FES: variants seen among roughly 807,000 people sequenced by gnomAD.
The protein encoded by FES is tyrosine-protein kinase Fes/Fps.
Under a neutral mutation model 109.6 loss-of-function variants are expected in FES, and 83 were observed. The observed-to-expected ratio is 0.76, with a 90% CI of 0.63 to 0.91. The LOEUF (loss-of-function observed/expected upper bound fraction) is 0.91, where lower values mean the gene tolerates loss of function less well. Ranked by LOEUF, FES falls within the 40% of genes least tolerant of loss-of-function variation. The pLI is 0.00. For synonymous variants in FES, 458 were observed against 442.1 expected, an observed-to-expected ratio of 1.04 and a Z score of -0.45; for missense variants, 943 against 1,070.9, an observed-to-expected ratio of 0.88 and a Z score of 1.67.
rs1329398075 is a variant in FES at position 90,892,699 on chromosome 15, C to T, written c.1708-8C>T. On this transcript the variant is annotated splice_polypyrimidine_tract_variant and splice_region_variant and intron_variant, in intron 13 of 18. Transcript: ENST00000328850. Reference sequence around the variant, plus strand: ...GAAGGCCGTGGTAGGAGCCCAAGACCGTTTCAGGGGAACTTTGGCGAAGTG... The same window carrying T: ...GAAGGCCGTGGTAGGAGCCCAAGACTGTTTCAGGGGAACTTTGGCGAAGTG... 10 of 1,599,500 alleles carry T rather than the reference C, an allele frequency of 6.3e-6. No homozygotes were observed. Among genetic ancestry groups the T allele is most frequent in the Non-Finnish European group, 6.8e-6 (8 of 1,172,554 alleles).
rs775767862 is a variant in FES at position 90,889,336 on chromosome 15, T to C, written c.699T>C (p.Ile233=). 4 of 1,613,860 alleles carry C rather than the reference T, an allele frequency of 2.5e-6. No homozygotes were observed. The highest frequency in any genetic ancestry group is 1.7e-6 in the Non-Finnish European group (2 of 1,179,960). The change falls in exon 6 of 19, where the codon ATT becomes ATC. Residue 233 remains isoleucine (I), a synonymous_variant. Coordinates refer to ENST00000328850, the MANE Select transcript of FES (RefSeq NM_002005.4). The surrounding 1 kb of genome is among the most constrained non-coding windows in gnomAD (Gnocchi z 6.1). The part of the protein sequence containing the change: ...LKEILQEYLE[I]SSLVQDEVVA... ...AGATCCTGCAGGAATACCTGGAGATTAGCAGCCTGGTGCAGGATGAGGTGG... is the reference window on the plus strand; with the variant it reads ...AGATCCTGCAGGAATACCTGGAGATCAGCAGCCTGGTGCAGGATGAGGTGG...
chr15:90,890,632 TG>T (rs2033123863), intron 10 of FES, 148 bp downstream of exon 10: 3 of 731,366 alleles, frequency 4.1e-6, no homozygotes, highest in African/African-American at 1.8e-5. Flanking sequence ...CCCCAGACCC[TG>T]CCCCTGTGAC....
rs746596825 is a variant in FES at position 90,895,560 on chromosome 15, G to A, written c.*2G>A. 3 of 1,562,840 alleles carry A rather than the reference G, an allele frequency of 1.9e-6. No individual in the cohort carries two copies. Among genetic ancestry groups the A allele is most frequent in the Admixed American group, 1.9e-5 (1 of 52,150 alleles). ...AGCATCCGAAAGCGGCATCGGTGAG[G>A]CTGGGACCCCCTTCTCAAGCTGGTG... On this transcript the variant is annotated 3_prime_UTR_variant, in exon 19 of 19. Transcript: ENST00000328850.
chr15:90,889,588 C>A lies in FES; in HGVS notation c.878C>A (p.Pro293His), dbSNP rs188344412. Residue 293 changes from proline (P) to histidine (H), a missense_variant, in exon 7 of 19, where the codon CCT becomes CAT. By Grantham distance (77) the Pro-to-His change is moderately conservative. Transcript: ENST00000328850. The surrounding 1 kb of genome is among the most constrained non-coding windows in gnomAD (Gnocchi z 6.1). Reference sequence around the variant, plus strand: ...CTTGAGGAGGGTGAACCGCTGGAGCCTGGGGAGCTCCAGCTGAACGAGCTG... The same window carrying A: ...CTTGAGGAGGGTGAACCGCTGGAGCATGGGGAGCTCCAGCTGAACGAGCTG... The part of the protein sequence containing the change: ...SLLEEGEPLE[P>H]GELQLNELTV... 4 of 1,613,668 alleles carry A rather than the reference C, an allele frequency of 2.5e-6. No homozygotes were observed. In the Admixed American group the frequency reaches 6.7e-5, roughly 27 times the overall value.
In FES at chr15:90,889,337, A is replaced by C; in HGVS notation, c.700A>C (p.Ser234Arg). 6.2e-7 allele frequency: 1 copy of C among 1,613,944 alleles called. No homozygotes were observed. Among genetic ancestry groups the C allele is most frequent in the Admixed American group, 1.7e-5 (1 of 60,010 alleles). The change falls in exon 6 of 19, where the codon AGC becomes CGC. Residue 234 changes from serine to arginine, a missense_variant. Ser to Arg is a moderately radical substitution (Grantham distance 110). Transcript: ENST00000328850. This position sits in a 1 kb window ranked among gnomAD's most constrained non-coding sequence, Gnocchi z 6.1. Reference protein sequence around the residue: ...KEILQEYLEISSLVQDEVVAI... With the variant: ...KEILQEYLEIRSLVQDEVVAI... Reference sequence around the variant, plus strand: ...GATCCTGCAGGAATACCTGGAGATTAGCAGCCTGGTGCAGGATGAGGTGGT... The same window carrying C: ...GATCCTGCAGGAATACCTGGAGATTCGCAGCCTGGTGCAGGATGAGGTGGT...
rs1366907500 is a variant in FES at position 90,885,511 on chromosome 15, C to G, written c.313C>G (p.Leu105Val). Residue 105 changes from leucine (L) to valine (V), a missense_variant, in exon 3 of 19, where the codon CTC becomes GTC. Physicochemically the swap from Leu to Val is conservative, Grantham distance 32. Transcript: ENST00000328850. ...NSGPLSKLSL[L>V]IRERQQLRKT... ...AGGGCCCCTGAGCAAGCTGAGCCTG[C>G]TCATCCGGGAACGGCAGCAGCTTCG... 2.5e-6 allele frequency: 4 copies of G among 1,613,326 alleles called. No homozygotes were observed. Among genetic ancestry groups the G allele is most frequent in the Admixed American group, 3.3e-5 (2 of 60,002 alleles).
chr15:90,889,969 G>A lies in FES; in HGVS notation c.1049+7G>A. 1 of 1,612,666 alleles carries A rather than the reference G, an allele frequency of 6.2e-7. No homozygotes were observed. The highest frequency in any genetic ancestry group is 8.5e-7 in the Non-Finnish European group (1 of 1,179,826). On this transcript the variant is annotated splice_region_variant and intron_variant, in intron 8 of 18. Coordinates refer to ENST00000328850, the MANE Select transcript of FES (RefSeq NM_002005.4). This position sits in a 1 kb window ranked among gnomAD's most constrained non-coding sequence, Gnocchi z 6.1. The stretch of plus-strand genomic sequence containing the variant: ...ACACCCACCCCCGGGAGCGGTGAGT[G>A]GGCCCCTGCCTGCAGCAGCCTCCTG...
intron 12 of FES, 109 bp from the exon 13 acceptor site, chr15:90,891,949 C>A: frequency 1.6e-6 from 2 of 1,250,402 alleles, no homozygotes; most frequent in South Asian, 1.4e-5. Flanking sequence ...CACGTGGTCC[C>A]ACCCCTGGTC....
chr15:90,890,184 A>G lies in FES; in HGVS notation c.1142A>G (p.Gln381Arg). 6.2e-7 allele frequency: 1 copy of G among 1,602,016 alleles called. No homozygotes were observed. Among genetic ancestry groups the G allele is most frequent in the East Asian group, 2.2e-5 (1 of 44,748 alleles). The change falls in exon 9 of 19, where the codon CAG becomes CGG. Residue 381 changes from glutamine to arginine, a missense_variant. Physicochemically the swap from Gln to Arg is conservative, Grantham distance 43 (BLOSUM62 1). Coordinates refer to ENST00000328850, the MANE Select transcript of FES (RefSeq NM_002005.4). Reference protein sequence around the residue: ...LCSQAKLQAQQELLQTKLEHL... With the variant: ...LCSQAKLQAQRELLQTKLEHL... The stretch of plus-strand genomic sequence containing the variant: ...AGCCAGGCCAAGCTGCAGGCCCAGC[A>G]GGAGTTGCTGCAGACCAAGCTGGAG...
intron 15 of FES, 34 bp from the exon 16 acceptor site, chr15:90,893,257 C>T: frequency 1.2e-6 from 2 of 1,612,392 alleles, no homozygotes; most frequent in Non-Finnish European, 1.7e-6. Flanking sequence ...AGCCTTACCT[C>T]AGGAGGCTCA....
At position 90,885,423 on chromosome 15, in the gene FES, GA is replaced by G; in HGVS notation, c.226del (p.Ile76SerfsTer8). Reference sequence around the variant, plus strand: ...TCTGTGCTGTATAGTCCTGGGCTGAGATCACCAGCCAAACTGAGGGCCTGAG... The same window carrying G: ...TCTGTGCTGTATAGTCCTGGGCTGAGTCACCAGCCAAACTGAGGGCCTGAG... ...DSPISQSWAE[I>X]TSQTEGLSRL... On this transcript the variant is annotated frameshift_variant, in exon 3 of 19. Coordinates refer to ENST00000328850, the MANE Select transcript of FES (RefSeq NM_002005.4). LOFTEE classifies it high-confidence loss of function. 1 of 1,612,714 alleles carries G rather than the reference GA, an allele frequency of 6.2e-7. No homozygotes were observed.
At chr15:90,891,713 G>T in intron 12 of FES, 37 bp downstream of exon 12, 1 of 1,611,908 alleles carries the variant, frequency 6.2e-7, no homozygotes, top group Non-Finnish European at 8.5e-7. Flanking sequence ...GCCACCTGTG[G>T]CAGGGCTTGG....
In FES at chr15:90,892,686, A is replaced by G. The variant is rs753862432; in HGVS notation, c.1708-21A>G. On this transcript the variant is annotated intron_variant, in intron 13 of 18. Transcript: ENST00000328850. ...ACTGCGGGACTGGGAAGGCCGTGGT[A>G]GGAGCCCAAGACCGTTTCAGGGGAA... 10 of 1,582,118 alleles carry G rather than the reference A, an allele frequency of 6.3e-6. No homozygotes were observed. In the Admixed American group the frequency reaches 1.8e-4, roughly 28 times the overall value.
chr15:90,892,481 T>A, intron 13 of FES: 1 of 580,468 alleles, frequency 1.7e-6, no homozygotes, highest in Non-Finnish European at 3.1e-6. Context: ...ATTTTTGGAT[T>A]TCCATGTCAC....
chr15:90,893,870 G>T (rs559925613), intron 17 of FES, 59 bp downstream of exon 17: 108 of 1,606,738 alleles, frequency 6.7e-5, no homozygotes, highest in Non-Finnish European at 8.9e-5. Context: ...GGGTCCTGCC[G>T]GCTGCCTCGC....
Position 90,890,007 on chromosome 15 carries a change from T to G in FES, c.1049+45T>G, listed in dbSNP as rs377342846. ...CAGCAGCCTCCTGGGCCTCCCTCCC[T>G]CCTACCTACCCTAACTGCTGCTGGC... On this transcript the variant is annotated intron_variant, in intron 8 of 18. Coordinates refer to ENST00000328850, the MANE Select transcript of FES (RefSeq NM_002005.4). 4.4e-6 allele frequency: 7 copies of G among 1,599,834 alleles called. No homozygotes were observed. The African/African-American group carries it at 6.7e-5, about 15-fold the overall frequency.
rs541062672 is a variant in FES, at chr15:90,888,259, CCA to C, written c.668+893_668+894del. 2.0e-5 allele frequency among the ~76,000 whole-genome samples: 3 copies of C among 152,296 alleles called. No homozygotes were observed. In the South Asian group the frequency reaches 6.2e-4, roughly 32 times the overall value. On this transcript the variant is annotated intron_variant, in intron 5 of 18. Transcript: ENST00000328850. ...TAGCTGGAACTACGGGCATGCGCCA[CCA>C]CACCCAGCTAATTTTTGTATTTTTA...
chr15:90,895,295 C>G, intron 18 of FES, 121 bp from the exon 19 acceptor site: 1 of 826,956 alleles, frequency 1.2e-6, no homozygotes, highest in Middle Eastern at 2.5e-4. Flanking sequence ...TGGTGGAGAA[C>G]AGTGCATCCT....
At chr15:90,894,249 A>C (rs1283969897) in intron 18 of FES, among the ~76,000 whole-genome samples, 191 bp downstream of exon 18, 3 of 152,194 alleles carry the variant, frequency 2.0e-5, no homozygotes, top group Non-Finnish European at 1.5e-5. Context: ...CAGGAGTTCA[A>C]GATCAGCTTG....
Sources: gnomAD v4.1 joint callset for allele counts (sites outside exome capture counted in the v4.1 genomes callset) on GRCh38, gnomAD v4.1.1 for gene constraint, Gnocchi (gnomAD v3.1) non-coding constraint, MANE v1.5 for transcripts, NCBI Gene and HGNC (gene_info 2026-07-23, HGNC 2026-07-21) for gene names.